LRBA: variants seen among roughly 807,000 people sequenced by gnomAD.
LRBA encodes LPS responsive beige-like anchor protein.
In LRBA, 176 loss-of-function variants were observed where a neutral mutation model predicts 330.0. The observed-to-expected ratio is 0.53, with a 90% CI of 0.47 to 0.60. LRBA has a LOEUF of 0.60. Among genes scored for constraint, LRBA ranks in the 20% least tolerant of loss-of-function variants. The probability of loss-of-function intolerance (pLI) is 0.00; values close to 1 mark genes in which losing one functional copy is unlikely to be tolerated. For missense variants in LRBA, 3,259 were observed against 3,444.8 expected, an observed-to-expected ratio of 0.95 and a Z score of 1.35; for synonymous variants, 1,230 against 1,193.0, an observed-to-expected ratio of 1.03 and a Z score of -0.64.
intron 47 of LRBA, among the ~76,000 whole-genome samples, chr4:150,379,061 G>A (rs1369204815): frequency 6.6e-6 from 1 of 151,882 alleles, no homozygotes; most frequent in African/African-American, 2.4e-5. Flanking sequence ...CCAGCACTTT[G>A]GGAGGCCAAG....
chr4:150,969,143 G>A (rs1739235511), intron 2 of LRBA, among the ~76,000 whole-genome samples: 2 of 152,176 alleles, frequency 1.3e-5, no homozygotes, highest in Non-Finnish European at 1.5e-5. Context: ...GAGCTCTGAT[G>A]CAGATATACA....
At chr4:150,313,976 C>G (rs530371288) in intron 51 of LRBA, among the ~76,000 whole-genome samples, 1 of 151,708 alleles carries the variant, frequency 6.6e-6, no homozygotes, top group South Asian at 2.1e-4. Flanking sequence ...TTCCACTTGT[C>G]TTGTCACGTT....
chr4:150,447,198 C>T (rs1752719761), intron 44 of LRBA, among the ~76,000 whole-genome samples: 1 of 152,164 alleles, frequency 6.6e-6, no homozygotes, highest in African/African-American at 2.4e-5. Flanking sequence ...TCATGTAACA[C>T]AAATCATATG....
intron 35 of LRBA, among the ~76,000 whole-genome samples, chr4:150,759,174 C>T (rs777559888): frequency 1.3e-5 from 2 of 152,242 alleles, no homozygotes; most frequent in South Asian, 2.1e-4. Context: ...CCTCAGCCTC[C>T]GAAAGTGCTG....
At chr4:150,884,731 A>G (rs1478584973) in intron 17 of LRBA, among the ~76,000 whole-genome samples, 1 of 152,196 alleles carries the variant, frequency 6.6e-6, no homozygotes, top group Non-Finnish European at 1.5e-5. Context: ...GAAAAACAAA[A>G]AAAGTCTAGA....
At position 150,896,323 on chromosome 4, in the gene LRBA, AT is replaced by A. The variant is rs1424214033; in HGVS notation, c.2067+70del. On this transcript the variant is annotated intron_variant, in intron 16 of 56. Transcript: ENST00000651943. ...ACATAATTACTGAAGATTTCTTTAA[AT>A]TTTTACTTTTAAAAAAGTCTAATGT... 3 of 783,278 alleles carry A rather than the reference AT, an allele frequency of 3.8e-6. No individual in the cohort carries two copies. In the African/African-American group the frequency reaches 5.5e-5, roughly 14 times the overall value. The allele number at this position is 783,278 out of a possible 1,614,324, so 48.5% of individuals were successfully genotyped here.
intron 36 of LRBA, among the ~76,000 whole-genome samples, chr4:150,685,411 TATA>T: frequency 1.0e-4 from 2 of 19,804 alleles, no homozygotes; most frequent in Non-Finnish European, 2.1e-4. Context: ...TATATATATA[TATA>T]TATATATTTT....
Position 150,317,372 on chromosome 4 carries a change from C to T in LRBA, c.7631-1749G>A, listed in dbSNP as rs548814736. ...AGTTTCTCCAGTTAGTAAATACCAA[C>T]TTTTTAAAGATGTTTGGAAGGTCAT... is the stretch of plus-strand genomic sequence containing the variant. On this transcript the variant is annotated intron_variant, in intron 50 of 56. Coordinates refer to ENST00000651943, the MANE Select transcript of LRBA (RefSeq NM_001364905.1). 5.3e-5 allele frequency among the ~76,000 whole-genome samples: 8 copies of T among 152,152 alleles called. No homozygotes were observed. The East Asian group carries it at 1.4e-3, about 26-fold the overall frequency.
intron 41 of LRBA, among the ~76,000 whole-genome samples, chr4:150,489,065 A>C (rs1349266032): frequency 8.7e-6 from 1 of 115,340 alleles, no homozygotes; most frequent in African/African-American, 3.6e-5. Context: ...AAGAATATAT[A>C]ATATATTATA....
chr4:150,727,599 T>C (rs1210720714), intron 36 of LRBA, among the ~76,000 whole-genome samples: 1 of 152,030 alleles, frequency 6.6e-6, no homozygotes, highest in Non-Finnish European at 1.5e-5. Context: ...AATTAAACAA[T>C]ATGTTCCTGA....
At chr4:150,836,615 T>C (rs1374476313) in intron 28 of LRBA, among the ~76,000 whole-genome samples, 1 of 152,220 alleles carries the variant, frequency 6.6e-6, no homozygotes, top group African/African-American at 2.4e-5. Flanking sequence ...GATGGTAATT[T>C]GTATTTCTGT....
intron 22 of LRBA, among the ~76,000 whole-genome samples, chr4:150,862,989 G>GACACACAC (rs57854219): frequency 6.7e-6 from 1 of 148,644 alleles, no homozygotes; most frequent in African/African-American, 2.5e-5. Context: ...ATTTAAAAAA[G>GACACACAC]ACACACACAC....
intron 37 of LRBA, among the ~76,000 whole-genome samples, chr4:150,604,925 T>C (rs990397414): frequency 6.6e-6 from 1 of 152,172 alleles, no homozygotes; most frequent in African/African-American, 2.4e-5. Context: ...TCAGTGGCAG[T>C]TGCACAGTCA....
chr4:150,579,378 G>A (rs1014189932), intron 40 of LRBA: 6 of 454,158 alleles, frequency 1.3e-5, no homozygotes, highest in Admixed American at 2.4e-5. Context: ...GGGGGAGGGG[G>A]GAGAAAGAGA....
intron 35 of LRBA, among the ~76,000 whole-genome samples, chr4:150,742,972 T>C (rs773240945): frequency 1.3e-5 from 2 of 152,012 alleles, no homozygotes; most frequent in Non-Finnish European, 2.9e-5. Flanking sequence ...ACAAAAATTG[T>C]TTTTATTTTT....
At chr4:150,902,248 CA>C (rs1228453684) in intron 13 of LRBA, among the ~76,000 whole-genome samples, 6 of 152,126 alleles carry the variant, frequency 3.9e-5, no homozygotes, top group African/African-American at 1.4e-4. Context: ...GTAGAATAGA[CA>C]GACAGAATAC....
chr4:150,582,050 T>G (rs1581736089), intron 40 of LRBA: 18 of 109,508 alleles, frequency 1.6e-4, no homozygotes, highest in South Asian at 3.1e-4. Context: ...GAGAAAGAGG[T>G]CGGAGGGGAG....
chr4:150,438,887 C>A (rs1480692331), intron 44 of LRBA, among the ~76,000 whole-genome samples: 2 of 151,950 alleles, frequency 1.3e-5, no homozygotes, highest in African/African-American at 2.4e-5. Flanking sequence ...CCTTTACAAG[C>A]AAAATTTTAA....
chr4:150,712,789 G>A (rs138304100), intron 36 of LRBA, among the ~76,000 whole-genome samples: 75 of 152,070 alleles, frequency 4.9e-4, no homozygotes, highest in African/African-American at 1.2e-3. Context: ...GCTACAAAAC[G>A]GCAAAACCCA....
Sources: gnomAD v4.1 joint callset for allele counts (sites outside exome capture counted in the v4.1 genomes callset) on GRCh38, gnomAD v4.1.1 for gene constraint, MANE v1.5 for transcripts, NCBI Gene and HGNC (gene_info 2026-07-23, HGNC 2026-07-21) for gene names.